Variants in RRBP1 observed in about 807,000 individuals in gnomAD.
RRBP1 encodes the protein ribosome binding protein 1, also known as ribosome-binding protein 1.
A neutral mutation model predicts 165.2 loss-of-function variants in RRBP1; 94 were observed. That is an observed-to-expected ratio of 0.57 (90% CI 0.48 to 0.68). The LOEUF (loss-of-function observed/expected upper bound fraction) is 0.68. Among genes scored for constraint, RRBP1 ranks in the 30% least tolerant of loss-of-function variants. RRBP1 has a pLI of 0.00. For synonymous variants in RRBP1, 680 were observed against 714.5 expected, an observed-to-expected ratio of 0.95 and a Z score of 0.77; for missense variants, 1,676 against 1,763.0, an observed-to-expected ratio of 0.95 and a Z score of 0.88.
At position 17,619,738 on chromosome 20, in the gene RRBP1, T is replaced by C. The variant is rs764816966; in HGVS notation, c.3580-10A>G. 7.5e-6 allele frequency: 12 copies of C among 1,599,072 alleles called. No individual in the cohort carries two copies. Among genetic ancestry groups the C allele is most frequent in the Middle Eastern group, 3.3e-4 (2 of 6,014 alleles). Reference sequence around the variant, plus strand: ...ACGTGTGCTCCCTCACCTGGACAGATGCACAGACACGCACACGCATGCGCC... The same window carrying C: ...ACGTGTGCTCCCTCACCTGGACAGACGCACAGACACGCACACGCATGCGCC... On this transcript the variant is annotated splice_polypyrimidine_tract_variant and intron_variant, in intron 18 of 24. Coordinates refer to ENST00000377813, the MANE Select transcript of RRBP1 (RefSeq NM_001365613.2).
chr20:17,638,580 C>T (rs1027807282), intron 5 of RRBP1, among the ~76,000 whole-genome samples: 1 of 152,182 alleles, frequency 6.6e-6, no homozygotes, highest in Non-Finnish European at 1.5e-5. Flanking sequence ...AGTCACTTGT[C>T]CTCAGTGCAG....
At chr20:17,678,793 T>C (rs1040667016) in intron 2 of RRBP1, among the ~76,000 whole-genome samples, 2 of 152,190 alleles carry the variant, frequency 1.3e-5, no homozygotes, top group Non-Finnish European at 2.9e-5. Context: ...GGCTACTGTA[T>C]TGGACAACAC....
chr20:17,640,677 C>T (rs1313801951), intron 5 of RRBP1, among the ~76,000 whole-genome samples: 1 of 152,090 alleles, frequency 6.6e-6, no homozygotes, highest in East Asian at 1.9e-4. Flanking sequence ...CACAGGCTGC[C>T]CTGAGCATGC....
At position 17,621,466 on chromosome 20, in the gene RRBP1, C is replaced by T. The variant is rs1191823075; in HGVS notation, c.3406G>A (p.Ala1136Thr). The T allele has an allele frequency of 3.1e-6, 5 of 1,611,808 alleles. No homozygotes were observed. The highest frequency in any genetic ancestry group is 3.3e-4 in the Middle Eastern group (2 of 6,084). ...AGGTTCCCAATGCTCACCGTCTCCG[C>T]CAGGATGCTGCGGTACTGGTCACAC... Reference protein sequence around the residue: ...AECDQYRSILAETEGMLRDLQ... With the variant: ...AECDQYRSILTETEGMLRDLQ... Residue 1136 changes from alanine to threonine, a missense_variant, in exon 16 of 25, where the codon GCG becomes ACG. By Grantham distance (58) the Ala-to-Thr change is moderately conservative. Transcript: ENST00000377813.
At chr20:17,619,921 G>A (rs960807817) in intron 18 of RRBP1, 193 bp from the exon 19 acceptor site, 28 of 554,798 alleles carry the variant, frequency 5.0e-5, no homozygotes, top group Admixed American at 7.0e-5. Flanking sequence ...GGCTGCACCC[G>A]GGCACTCCTG....
Position 17,627,665 on chromosome 20 carries a change from G to A in RRBP1, c.2767C>T (p.Gln923Ter). ...CTGCGCACCTCCGCCTCGGAGGACT[G>A]TAACTTGCTGTGCAGCTCTGGTGCA... ...QQMAELHSKL[Q>*]SSEAEVRSKC... is the part of the protein sequence containing the mutation. Residue 923 changes from glutamine (Q) to a stop codon, truncating the protein, a stop_gained, in exon 10 of 25, where the codon CAG becomes TAG. Transcript: ENST00000377813. LOFTEE classifies it high-confidence loss of function. 1.2e-6 allele frequency: 2 copies of A among 1,606,456 alleles called. No homozygotes were observed. Among genetic ancestry groups the A allele is most frequent in the Non-Finnish European group, 1.7e-6 (2 of 1,175,910 alleles).
chr20:17,633,373 C>T lies in RRBP1; in HGVS notation c.2610+87G>A, dbSNP rs2036188664. 10 of 1,448,824 alleles carry T rather than the reference C, an allele frequency of 6.9e-6. No homozygotes were observed. In the Admixed American group the frequency reaches 1.4e-4, roughly 20 times the overall value. 89.7% of individuals were successfully genotyped at this position (1,448,824 alleles called of 1,614,324 possible). On this transcript the variant is annotated intron_variant, in intron 8 of 24. Coordinates refer to ENST00000377813, the MANE Select transcript of RRBP1 (RefSeq NM_001365613.2). Reference sequence around the variant, plus strand: ...GGCTAGAAACGGGTGCCCAGTGTGGCACGGCCAGCCTGGGCCCATCCCCGC... The same window carrying T: ...GGCTAGAAACGGGTGCCCAGTGTGGTACGGCCAGCCTGGGCCCATCCCCGC...
intron 18 of RRBP1, 45 bp downstream of exon 18, chr20:17,620,254 A>G (rs1568753302): frequency 6.9e-7 from 1 of 1,458,506 alleles, no homozygotes. Flanking sequence ...ACTTTCAAAG[A>G]GGCTCCCGGG....
At chr20:17,660,917 G>A (rs1600772171) in intron 2 of RRBP1, among the ~76,000 whole-genome samples, 1 of 152,190 alleles carries the variant, frequency 6.6e-6, no homozygotes, top group Non-Finnish European at 1.5e-5. Context: ...GGAGACTGTA[G>A]TAAAAACACC....
intron 2 of RRBP1, among the ~76,000 whole-genome samples, chr20:17,670,924 T>C (rs2036965434): frequency 6.6e-6 from 1 of 152,192 alleles, no homozygotes; most frequent in African/African-American, 2.4e-5. Context: ...CTGTCCTCGC[T>C]CCTCTCCTGG....
At chr20:17,614,968 C>A (rs1271673441) in intron 23 of RRBP1, 88 bp from the exon 24 acceptor site, 2 of 1,440,082 alleles carry the variant, frequency 1.4e-6, no homozygotes, top group Non-Finnish European at 1.9e-6. Context: ...ACGCCAGGGG[C>A]TGGAGCCCTC....
intron 24 of RRBP1, among the ~76,000 whole-genome samples, 176 bp downstream of exon 24, chr20:17,614,561 T>C (rs1338652238): frequency 2.0e-5 from 3 of 152,072 alleles, no homozygotes. Flanking sequence ...GCTGAAGCCC[T>C]CGTTAGGAAG....
chr20:17,620,539 C>T (rs568651511), intron 17 of RRBP1, 169 bp from the exon 18 acceptor site: 7 of 811,302 alleles, frequency 8.6e-6, no homozygotes, highest in Middle Eastern at 2.2e-4. Flanking sequence ...TCTTCCTAGG[C>T]GGGGGCCTCC....
At chr20:17,644,619 G>A (rs370781895) in intron 3 of RRBP1, among the ~76,000 whole-genome samples, 19 of 152,162 alleles carry the variant, frequency 1.2e-4, no homozygotes, top group African/African-American at 1.2e-4. Context: ...TTCAGCCGGC[G>A]TCTAGCTGCT....
In RRBP1 at chr20:17,660,318, T is replaced by C; in HGVS notation, c.190A>G (p.Lys64Glu). Residue 64 changes from lysine (K) to glutamate (E), a missense_variant, in exon 3 of 25, where the codon AAA (lysine) becomes GAA (glutamate). Physicochemically the swap from Lys to Glu is moderately conservative, Grantham distance 56. This residue lies in a region of RRBP1 where 392 missense variants were observed against 382.5 expected (regional missense o/e 1.02). Coordinates refer to ENST00000377813, the MANE Select transcript of RRBP1 (RefSeq NM_001365613.2). ...GTCTTTCCTTTCTTCTCCACTGTTT[T>C]CTCCTTCTTTTTCTTCTCGACTTTC... ...HQKVEKKKKE[K>E]TVEKKGKTKK... 1.9e-6 allele frequency: 3 copies of C among 1,611,646 alleles called. No individual in the cohort carries two copies. The highest frequency in any genetic ancestry group is 1.7e-6 in the Non-Finnish European group (2 of 1,178,676).
At chr20:17,657,788 A>C (rs931438827) in intron 3 of RRBP1, among the ~76,000 whole-genome samples, 1 of 152,236 alleles carries the variant, frequency 6.6e-6, no homozygotes, top group Non-Finnish European at 1.5e-5. Context: ...TCCAGTGTTT[A>C]TGTTAATGCT....
At position 17,629,174 on chromosome 20, in the gene RRBP1, G is replaced by A. The variant is rs193189324; in HGVS notation, c.2749+649C>T. Among the ~76,000 whole-genome samples the A allele has an allele frequency of 1.6e-4, 24 of 152,362 alleles. No individual in the cohort carries two copies. The East Asian group carries it at 4.5e-3, about 28-fold the overall frequency. On this transcript the variant is annotated intron_variant, in intron 9 of 24. Transcript: ENST00000377813. Reference sequence around the variant, plus strand: ...CTGTCCTTGCAGGTGACTCTGTCGTGTAACCCCCAGTCCAGCCCAGCCCGG... The same window carrying A: ...CTGTCCTTGCAGGTGACTCTGTCGTATAACCCCCAGTCCAGCCCAGCCCGG...
intron 3 of RRBP1, among the ~76,000 whole-genome samples, chr20:17,645,228 T>C (rs1280549386): frequency 6.6e-6 from 1 of 152,186 alleles, no homozygotes; most frequent in African/African-American, 2.4e-5. Context: ...CGCCGCTTCC[T>C]GCACAGGGGC....
intron 3 of RRBP1, among the ~76,000 whole-genome samples, chr20:17,644,682 G>A (rs988376316): frequency 6.6e-6 from 1 of 152,208 alleles, no homozygotes; most frequent in Non-Finnish European, 1.5e-5. Flanking sequence ...TGCGCCGTCC[G>A]ATGTGCTGGG....
Sources: gnomAD v4.1 joint callset for allele counts (sites outside exome capture counted in the v4.1 genomes callset) on GRCh38, gnomAD v4.1.1 for gene constraint, gnomAD v4.1.1 regional missense constraint, MANE v1.5 for transcripts, NCBI Gene and HGNC (gene_info 2026-07-23, HGNC 2026-07-21) for gene names.